The following CACNG3 variants were observed in gnomAD, a reference collection of about 807,000 sequenced individuals.
The protein encoded by CACNG3 is calcium voltage-gated channel auxiliary subunit gamma 3, also known as voltage-dependent calcium channel gamma-3 subunit.
A neutral mutation model predicts 28.5 loss-of-function variants in CACNG3; 3 were observed. The ratio of observed to expected loss-of-function variants is 0.11; its 90% CI spans 0.05 to 0.27. The LOEUF (loss-of-function observed/expected upper bound fraction) is 0.27. CACNG3 is among the 10% of genes least tolerant of loss of function. The pLI, the probability that CACNG3 is intolerant of heterozygous loss-of-function variation, is 1.00. For synonymous variants in CACNG3, 174 were observed against 162.2 expected, an observed-to-expected ratio of 1.07 and a Z score of -0.55; for missense variants, 236 against 414.4, an observed-to-expected ratio of 0.57 and a Z score of 3.74.
intron 3 of CACNG3, among the ~76,000 whole-genome samples, chr16:24,360,766 C>G (rs1039357758): frequency 1.3e-5 from 2 of 152,192 alleles, no homozygotes; most frequent in Non-Finnish European, 2.9e-5. Context: ...ATTCTCAATG[C>G]CTTCTCTCAC....
At chr16:24,351,618 G>GAAGGGA (rs1899941703) in intron 2 of CACNG3, among the ~76,000 whole-genome samples, 1 of 93,312 alleles carries the variant, frequency 1.1e-5, no homozygotes, top group Non-Finnish European at 2.0e-5. Context: ...AGGGGAAGGG[G>GAAGGGA]AAGGAGGGGA....
chr16:24,348,306 G>A (rs1272785199), intron 2 of CACNG3, among the ~76,000 whole-genome samples: 1 of 152,066 alleles, frequency 6.6e-6, no homozygotes, highest in Non-Finnish European at 1.5e-5. Flanking sequence ...GGGAGGCTGA[G>A]GTGGGAGGAT....
intron 1 of CACNG3, among the ~76,000 whole-genome samples, chr16:24,307,217 G>A (rs931658606): frequency 1.5e-4 from 23 of 152,120 alleles, no homozygotes; most frequent in African/African-American, 5.1e-4. Flanking sequence ...TGCCTCCCAG[G>A]TTCAAGCAAT....
At chr16:24,300,260 C>T (rs192564880) in intron 1 of CACNG3, among the ~76,000 whole-genome samples, 60 of 152,248 alleles carry the variant, frequency 3.9e-4, no homozygotes, top group African/African-American at 1.3e-3. Flanking sequence ...ATTTACGGCC[C>T]ATAGACCTCA....
intron 1 of CACNG3, among the ~76,000 whole-genome samples, chr16:24,322,506 A>G (rs1335467192): frequency 1.3e-5 from 2 of 152,152 alleles, no homozygotes; most frequent in African/African-American, 4.8e-5. Context: ...CGTGCCAGGC[A>G]GTGCTTAGCT....
At chr16:24,303,499 A>G (rs1176425185) in intron 1 of CACNG3, among the ~76,000 whole-genome samples, 1 of 152,082 alleles carries the variant, frequency 6.6e-6, no homozygotes, top group Non-Finnish European at 1.5e-5. Context: ...CTAAGGTTCT[A>G]TTTAAATGTT....
intron 1 of CACNG3, among the ~76,000 whole-genome samples, chr16:24,293,582 T>C (rs1270003876): frequency 6.6e-6 from 1 of 152,138 alleles, no homozygotes; most frequent in Non-Finnish European, 1.5e-5. Flanking sequence ...CAGAATACAA[T>C]TGAGTGACAA....
intron 1 of CACNG3, among the ~76,000 whole-genome samples, chr16:24,330,356 C>A (rs763379382): frequency 2.2e-4 from 34 of 152,304 alleles, no homozygotes; most frequent in Non-Finnish European, 4.3e-4. Flanking sequence ...AATAACCCTC[C>A]CCACAAACCT....
intron 1 of CACNG3, among the ~76,000 whole-genome samples, chr16:24,312,145 C>T (rs930358839): frequency 6.6e-6 from 1 of 152,164 alleles, no homozygotes; most frequent in Admixed American, 6.5e-5. Flanking sequence ...GTGCTTGGTT[C>T]ACAGTGTGCC....
chr16:24,273,278 A>G (rs913410781), intron 1 of CACNG3, among the ~76,000 whole-genome samples: 16 of 152,160 alleles, frequency 1.1e-4, no homozygotes, highest in East Asian at 7.7e-4. Context: ...TAATATGTTC[A>G]TCCCTCTATT....
chr16:24,361,425 A>C lies in CACNG3; in HGVS notation c.510A>C (p.Lys170Asn). The change falls in exon 4 of 4, where the codon AAA becomes AAC. Residue 170 changes from lysine (K) to asparagine (N), a missense_variant. Coordinates refer to ENST00000005284, the MANE Select transcript of CACNG3 (RefSeq NM_006539.4). This position sits in a 1 kb window ranked among gnomAD's most constrained non-coding sequence, Gnocchi z 6.8. ...NAGDPGQRDS[K>N]KSYSYGWSFY... The stretch of plus-strand genomic sequence containing the variant: ...GAGACCCCGGGCAGCGTGACTCCAA[A>C]AAAAGTTACTCCTATGGTTGGTCCT... 1.2e-6 allele frequency: 2 copies of C among 1,614,010 alleles called. No individual in the cohort carries two copies. The highest frequency in any genetic ancestry group is 8.5e-7 in the Non-Finnish European group (1 of 1,179,970).
intron 1 of CACNG3, among the ~76,000 whole-genome samples, chr16:24,323,242 AG>A (rs60976372): frequency 0.2 from 25,342 of 126,236 alleles, 3,827 homozygotes; most frequent in South Asian, 0.28. Flanking sequence ...AAAAAAAAAG[AG>A]AGAGAGAGAA....
At chr16:24,330,110 C>T (rs1899611683) in intron 1 of CACNG3, among the ~76,000 whole-genome samples, 1 of 152,304 alleles carries the variant, frequency 6.6e-6, no homozygotes, top group South Asian at 2.1e-4. Flanking sequence ...AAATGCCACG[C>T]AATGAGCATC....
At chr16:24,321,353 AG>A (rs1899454465) in intron 1 of CACNG3, among the ~76,000 whole-genome samples, 1 of 152,118 alleles carries the variant, frequency 6.6e-6, no homozygotes, top group South Asian at 2.1e-4. Flanking sequence ...AGGCTGAGGC[AG>A]GAGAATTGCT....
At chr16:24,330,835 G>C (rs1899622467) in intron 1 of CACNG3, among the ~76,000 whole-genome samples, 1 of 152,216 alleles carries the variant, frequency 6.6e-6, no homozygotes, top group Non-Finnish European at 1.5e-5. Flanking sequence ...GTAGGGTTAA[G>C]AAGACTTTCA....
chr16:24,324,366 G>GT (rs1899507990), intron 1 of CACNG3, among the ~76,000 whole-genome samples: 1 of 152,130 alleles, frequency 6.6e-6, no homozygotes, highest in African/African-American at 2.4e-5. Flanking sequence ...CTCTTGCCTA[G>GT]TTTTTCCACC....
At chr16:24,297,166 T>A (rs1186427485) in intron 1 of CACNG3, among the ~76,000 whole-genome samples, 1 of 151,088 alleles carries the variant, frequency 6.6e-6, no homozygotes, top group Non-Finnish European at 1.5e-5. Flanking sequence ...GAGGATGGCT[T>A]GTGGCCAGGA....
chr16:24,281,416 A>G (rs966715995), intron 1 of CACNG3, among the ~76,000 whole-genome samples: 1 of 151,578 alleles, frequency 6.6e-6, no homozygotes, highest in African/African-American at 2.4e-5. Flanking sequence ...TATGTTGCCC[A>G]GGCTGCTCTC....
intron 1 of CACNG3, among the ~76,000 whole-genome samples, chr16:24,306,981 T>A (rs9926669): frequency 0.3 from 45,498 of 151,964 alleles, 8,070 homozygotes; most frequent in African/African-American, 0.48. Flanking sequence ...CCGCTCCGGG[T>A]ACTGCTCTCA....
Sources: gnomAD v4.1 joint callset for allele counts (sites outside exome capture counted in the v4.1 genomes callset) on GRCh38, gnomAD v4.1.1 for gene constraint, Gnocchi (gnomAD v3.1) non-coding constraint, MANE v1.5 for transcripts, NCBI Gene and HGNC (gene_info 2026-07-23, HGNC 2026-07-21) for gene names.